Variants in EMX1 observed in about 807,000 individuals in gnomAD.
EMX1 encodes homeobox protein EMX1.
A neutral mutation model predicts 20.1 loss-of-function variants in EMX1; 10 were observed. The observed-to-expected ratio is 0.50, with a 90% confidence interval of 0.31 to 0.84. The LOEUF is 0.84. Ranked by LOEUF, EMX1 falls within the 40% of genes least tolerant of loss-of-function variation. The pLI is 0.05. For missense variants in EMX1, 424 were observed against 431.9 expected (o/e 0.98, Z 0.16); for synonymous variants, 250 against 200.4 (o/e 1.25, Z -2.09).
chr2:72,917,913 A>G lies in EMX1; in HGVS notation c.61A>G (p.Arg21Gly), dbSNP rs2105259656. The stretch of plus-strand genomic sequence containing the variant: ...GGCGCCAGGACGCGGAGCGCTCCCC[A>G]GAGCCCGGCTGCCTCGCACAGCTCC... ...AAAPGRGALP[R>G]ARLPRTAPAA... Residue 21 changes from arginine (R) to glycine (G), a missense_variant, in exon 1 of 3, where the codon AGA becomes GGA. Around this residue, in one of 2 missense-constraint regions of EMX1, gnomAD observed 333 missense variants for 296.6 expected, o/e 1.12. Coordinates refer to ENST00000258106, the MANE Select transcript of EMX1 (RefSeq NM_004097.3). The G allele has an allele frequency of 1.3e-6, 2 of 1,483,810 alleles. No individual in the cohort carries two copies. The highest frequency in any genetic ancestry group is 8.9e-7 in the Non-Finnish European group (1 of 1,124,800). The allele number at this position is 1,483,810 out of a possible 1,614,324, so 91.9% of individuals were successfully genotyped here. A position where few individuals can be genotyped will look rare whatever the true frequency, so the allele number is the denominator to read the frequency against.
At chr2:72,925,303 C>A in intron 2 of EMX1, 1 of 1,035,648 alleles carries the variant, frequency 9.7e-7, no homozygotes, top group Non-Finnish European at 1.2e-6. Context: ...GTTTTTGTAA[C>A]TGATCGTTAA....
chr2:72,925,750 C>T, intron 2 of EMX1: 1 of 985,426 alleles, frequency 1.0e-6, no homozygotes, highest in Non-Finnish European at 1.2e-6. Flanking sequence ...ACTTCATCCG[C>T]AGCTTTCTTC....
At position 72,918,300 on chromosome 2, in the gene EMX1, G is replaced by A. The variant is rs1293406130; in HGVS notation, c.448G>A (p.Ala150Thr). The part of the protein sequence containing the change: ...PLQPPHSFFG[A>T]QHRDPLHFYP... ...GCAGCCCCCGCACTCCTTCTTCGGCGCCCAGCACCGGGACCCTCTCCATTT... is the reference window on the plus strand; with the variant it reads ...GCAGCCCCCGCACTCCTTCTTCGGCACCCAGCACCGGGACCCTCTCCATTT... The change falls in exon 1 of 3, where the codon GCC (alanine) becomes ACC (threonine). Residue 150 changes from alanine to threonine, a missense_variant. Around this residue, in one of 2 missense-constraint regions of EMX1, gnomAD observed 333 missense variants for 296.6 expected, o/e 1.12. Coordinates refer to ENST00000258106, the MANE Select transcript of EMX1 (RefSeq NM_004097.3). 2 of 1,572,460 alleles carry A rather than the reference G, an allele frequency of 1.3e-6. No homozygotes were observed. Among genetic ancestry groups the A allele is most frequent in the Non-Finnish European group, 1.7e-6 (2 of 1,170,312 alleles).
intron 2 of EMX1, among the ~76,000 whole-genome samples, chr2:72,931,674 G>A (rs954653695): frequency 2.0e-5 from 3 of 152,222 alleles, no homozygotes; most frequent in Non-Finnish European, 2.9e-5. Flanking sequence ...CATCCTCCAC[G>A]GCCGGCCTAG....
chr2:72,924,031 T>G, intron 1 of EMX1: 1 of 564,882 alleles, frequency 1.8e-6, no homozygotes, highest in South Asian at 2.1e-5. Context: ...GCCTGCCCCA[T>G]CTCTTGGCTT....
Position 72,918,189 on chromosome 2 carries a change from G to C in EMX1, c.337G>C (p.Gly113Arg). The C allele has an allele frequency of 6.4e-7, 1 of 1,551,386 alleles. No individual in the cohort carries two copies. Among genetic ancestry groups the C allele is most frequent in the Non-Finnish European group, 8.6e-7 (1 of 1,161,968 alleles). The change falls in exon 1 of 3, where the codon GGT becomes CGT. Residue 113 changes from glycine to arginine, a missense_variant. By Grantham distance (125) the Gly-to-Arg change is moderately radical. This residue lies in a region of EMX1 where 333 missense variants were observed against 296.6 expected (regional missense o/e 1.12). Coordinates refer to ENST00000258106, the MANE Select transcript of EMX1 (RefSeq NM_004097.3). ...CGCGGGCGCGGGCCGCTCGCTCTACGGTGGGCCCGAGCTCGTGTTCCCCGA... is the reference window on the plus strand; with the variant it reads ...CGCGGGCGCGGGCCGCTCGCTCTACCGTGGGCCCGAGCTCGTGTTCCCCGA... ...AAAGAGRSLY[G>R]GPELVFPEAM...
intron 1 of EMX1, among the ~76,000 whole-genome samples, chr2:72,922,165 T>C (rs930813696): frequency 2.0e-5 from 3 of 152,202 alleles, no homozygotes; most frequent in Admixed American, 6.5e-5. Flanking sequence ...GCTTTCTCTC[T>C]CCCTCTCTGG....
chr2:72,933,909 G>A lies in EMX1; in HGVS notation c.828G>A (p.Thr276=), dbSNP rs1235249095. 4.3e-6 allele frequency: 7 copies of A among 1,614,254 alleles called. No homozygotes were observed. Among genetic ancestry groups the A allele is most frequent in the South Asian group, 1.1e-5 (1 of 91,088 alleles). ...SHHINRWRIA[T]KQANGEDIDV... Reference sequence around the variant, plus strand: ...ACATCAACCGGTGGCGCATTGCCACGAAGCAGGCCAATGGGGAGGACATCG... The same window carrying A: ...ACATCAACCGGTGGCGCATTGCCACAAAGCAGGCCAATGGGGAGGACATCG... The change falls in exon 3 of 3, where the codon ACG becomes ACA. Residue 276 remains threonine (T), a synonymous_variant. Coordinates refer to ENST00000258106, the MANE Select transcript of EMX1 (RefSeq NM_004097.3).
chr2:72,920,396 G>C (rs770855549), intron 1 of EMX1, among the ~76,000 whole-genome samples: 19 of 152,216 alleles, frequency 1.2e-4, no homozygotes, highest in Admixed American at 2.6e-4. Flanking sequence ...TGCATTTTCG[G>C]ACCCGGAAAT....
chr2:72,919,025 C>A (rs1385990533), intron 1 of EMX1, among the ~76,000 whole-genome samples: 2 of 152,232 alleles, frequency 1.3e-5, no homozygotes, highest in East Asian at 3.8e-4. Context: ...CGTTGCTCGC[C>A]GCCTTCGGGA....
chr2:72,919,497 A>G (rs1289518706), intron 1 of EMX1, among the ~76,000 whole-genome samples: 1 of 152,230 alleles, frequency 6.6e-6, no homozygotes, highest in African/African-American at 2.4e-5. Flanking sequence ...CTTCGGCTCC[A>G]GGAGCTAATG....
chr2:72,925,596 C>G, intron 2 of EMX1: 4 of 1,277,542 alleles, frequency 3.1e-6, no homozygotes, highest in Non-Finnish European at 4.1e-6. Flanking sequence ...TTCCGCTCCC[C>G]TTTCCTCCTA....
chr2:72,919,323 T>A (rs1038564492), intron 1 of EMX1, among the ~76,000 whole-genome samples: 140 of 150,696 alleles, frequency 9.3e-4, no homozygotes, highest in Middle Eastern at 6.9e-3. Context: ...TCTTTTTTTT[T>A]AAATTTTATT....
Position 72,934,249 on chromosome 2 carries a change from T to C in EMX1, c.*295T>C. ...GTCTCCAATCTCCCTTTTGTTTTGA[T>C]GCATTTCTGTTTTAATTTATTTTCC... On this transcript the variant is annotated 3_prime_UTR_variant, in exon 3 of 3. Coordinates refer to ENST00000258106, the MANE Select transcript of EMX1 (RefSeq NM_004097.3). 2.5e-6 allele frequency: 1 copy of C among 398,594 alleles called. No individual in the cohort carries two copies. The highest frequency in any genetic ancestry group is 4.5e-5 in the South Asian group (1 of 22,448). 24.7% of individuals were successfully genotyped at this position (398,594 alleles called of 1,614,324 possible). A position where few individuals can be genotyped will look rare whatever the true frequency, so the allele number is the denominator to read the frequency against.
At chr2:72,916,534 G>C, upstream of EMX1, 2 of 605,946 alleles carry the variant, frequency 3.3e-6, no homozygotes, top group Non-Finnish European at 3.0e-6. Context: ...ACAGCCTGTC[G>C]TGAGAACTGC....
chr2:72,918,492 C>T, intron 1 of EMX1, 120 bp downstream of exon 1: 1 of 1,264,826 alleles, frequency 7.9e-7, no homozygotes, highest in Admixed American at 4.2e-5. Flanking sequence ...GCTGCAGGTC[C>T]GCGGAGGTAG....
At chr2:72,925,202 G>C (rs184970076) in intron 2 of EMX1, among the ~76,000 whole-genome samples, 84 of 152,322 alleles carry the variant, frequency 5.5e-4, no homozygotes, top group African/African-American at 2.0e-3. Flanking sequence ...GTGCTTCTCT[G>C]AATCACTGGA....
At chr2:72,920,555 C>T (rs1164080544) in intron 1 of EMX1, among the ~76,000 whole-genome samples, 1 of 152,256 alleles carries the variant, frequency 6.6e-6, no homozygotes, top group African/African-American at 2.4e-5. Flanking sequence ...GTCTCGGGCC[C>T]TCCGGCGCCG....
chr2:72,918,245 T>C lies in EMX1; in HGVS notation c.393T>C (p.His131=), dbSNP rs753380084. The change falls in exon 1 of 3, where the codon CAT becomes CAC. Residue 131 remains histidine (H), a synonymous_variant. Coordinates refer to ENST00000258106, the MANE Select transcript of EMX1 (RefSeq NM_004097.3). Reference sequence around the variant, plus strand: ...TGAACCACCCCGCGCTGACCGTGCATCCGGCGCACCAGCTGGGCGCCTCCC... The same window carrying C: ...TGAACCACCCCGCGCTGACCGTGCACCCGGCGCACCAGCTGGGCGCCTCCC... ...EAMNHPALTV[H]PAHQLGASPL... is the part of the protein sequence containing the mutation. 75 of 1,580,660 alleles carry C rather than the reference T, an allele frequency of 4.7e-5. No individual in the cohort carries two copies. Among genetic ancestry groups the C allele is most frequent in the Non-Finnish European group, 6.1e-5 (72 of 1,173,628 alleles).
Sources: allele counts gnomAD v4.1 joint callset (sites outside exome capture counted in the v4.1 genomes callset), GRCh38; gene constraint gnomAD v4.1.1; regional missense constraint gnomAD v4.1.1; transcripts MANE v1.5; gene names NCBI Gene and HGNC (gene_info 2026-07-23, HGNC 2026-07-21).